Variants in BMAL2 observed in about 807,000 individuals in gnomAD.
BMAL2 encodes basic helix-loop-helix ARNT like 2, also known as basic helix-loop-helix ARNT-like protein 2.
chr12:27,398,608 GA>G, the BMAL2 span, among the ~76,000 whole-genome samples: 1 of 152,092 alleles, frequency 6.6e-6, no homozygotes, highest in Non-Finnish European at 1.5e-5. Flanking sequence ...GCAGTTGATA[GA>G]ATTACACAAT....
At chr12:27,396,340 A>G in the BMAL2 span, among the ~76,000 whole-genome samples, 1 of 152,224 alleles carries the variant, frequency 6.6e-6, no homozygotes, top group African/African-American at 2.4e-5. Flanking sequence ...AATTATTAAG[A>G]TTCTACTATA....
At chr12:27,406,033 C>CGTCT in the BMAL2 span, among the ~76,000 whole-genome samples, 1 of 151,966 alleles carries the variant, frequency 6.6e-6, no homozygotes, top group Non-Finnish European at 1.5e-5. Context: ...TGAGAAGAGA[C>CGTCT]GTTTAGAGAA....
the BMAL2 span, among the ~76,000 whole-genome samples, chr12:27,377,768 G>C: frequency 5.1e-4 from 77 of 152,166 alleles, 1 homozygote; most frequent in African/African-American, 1.7e-3. Flanking sequence ...AAATCTAATT[G>C]CTCACAAATA....
chr12:27,402,698 T>G, the BMAL2 span: 1 of 1,592,156 alleles, frequency 6.3e-7, no homozygotes, highest in Non-Finnish European at 8.6e-7. Flanking sequence ...TTTTAGATGA[T>G]GGAAGACTTA....
chr12:27,375,033 A>G, the BMAL2 span, among the ~76,000 whole-genome samples: 1 of 152,218 alleles, frequency 6.6e-6, no homozygotes, highest in African/African-American at 2.4e-5. Flanking sequence ...TAAATTTTCT[A>G]TAAGTGTTAT....
chr12:27,370,160 A>G, the BMAL2 span: 1 of 1,614,072 alleles, frequency 6.2e-7, no homozygotes, highest in East Asian at 2.2e-5. Context: ...AGTGGTGGAA[A>G]AGCTTTCTCA....
At chr12:27,420,024 C>CACACACACACAT in the BMAL2 span, among the ~76,000 whole-genome samples, 6 of 145,510 alleles carry the variant, frequency 4.1e-5, no homozygotes, top group African/African-American at 1.4e-4. Context: ...CGCGTGCACA[C>CACACACACACAT]ACACACACAC....
At chr12:27,385,311 C>T in the BMAL2 span, among the ~76,000 whole-genome samples, 5 of 151,588 alleles carry the variant, frequency 3.3e-5, no homozygotes, top group African/African-American at 1.2e-4. Flanking sequence ...AAGACTCTGT[C>T]TCAAAAATAA....
chr12:27,387,888 T>C, the BMAL2 span, among the ~76,000 whole-genome samples: 3,371 of 152,288 alleles, frequency 0.022, 124 homozygotes, highest in African/African-American at 0.077. Context: ...TCCGATAGAC[T>C]GCAGCACTGT....
the BMAL2 span, among the ~76,000 whole-genome samples, chr12:27,359,369 A>G: frequency 2.6e-5 from 4 of 152,176 alleles, no homozygotes; most frequent in Non-Finnish European, 5.9e-5. Context: ...AAGTGAATGT[A>G]ATTTATTCTT....
At chr12:27,414,210 C>G in the BMAL2 span, among the ~76,000 whole-genome samples, 1 of 152,102 alleles carries the variant, frequency 6.6e-6, no homozygotes, top group African/African-American at 2.4e-5. Context: ...ATTGAAGGGA[C>G]AAATATACAG....
chr12:27,404,122 G>A, the BMAL2 span, among the ~76,000 whole-genome samples: 18 of 149,792 alleles, frequency 1.2e-4, no homozygotes, highest in African/African-American at 4.4e-4. Flanking sequence ...CAGTGTCAAG[G>A]CTGTAGTCAG....
the BMAL2 span, among the ~76,000 whole-genome samples, chr12:27,416,549 T>C: frequency 2.0e-5 from 3 of 152,282 alleles, no homozygotes; most frequent in Admixed American, 2.0e-4. Context: ...ACAGTATAAT[T>C]GTAATTTAGC....
chr12:27,333,695 G>A, the BMAL2 span, among the ~76,000 whole-genome samples: 3 of 152,250 alleles, frequency 2.0e-5, no homozygotes, highest in Non-Finnish European at 2.9e-5. Flanking sequence ...ATCGCAGCCC[G>A]CTCCGCGACA....
At chr12:27,396,482 A>G in the BMAL2 span, among the ~76,000 whole-genome samples, 3 of 152,208 alleles carry the variant, frequency 2.0e-5, no homozygotes, top group East Asian at 1.9e-4. Flanking sequence ...AGAATCAGCA[A>G]TCTGGCTTTA....
chr12:27,344,422 A>G, the BMAL2 span, among the ~76,000 whole-genome samples: 3 of 152,218 alleles, frequency 2.0e-5, no homozygotes, highest in Non-Finnish European at 4.4e-5. Context: ...CAGAACCAAT[A>G]GGAGATATAT....
the BMAL2 span, among the ~76,000 whole-genome samples, chr12:27,419,462 A>G: frequency 6.6e-6 from 1 of 152,200 alleles, no homozygotes; most frequent in Admixed American, 6.5e-5. Context: ...CCCTCTTGAG[A>G]TAACTAACCA....
chr12:27,373,035 T>TA, the BMAL2 span, among the ~76,000 whole-genome samples: 1 of 152,158 alleles, frequency 6.6e-6, no homozygotes, highest in South Asian at 2.1e-4. Flanking sequence ...GGTACAGTCT[T>TA]ACAATTTTCA....
At chr12:27,355,903 G>C in the BMAL2 span, among the ~76,000 whole-genome samples, 1 of 152,116 alleles carries the variant, frequency 6.6e-6, no homozygotes, top group Non-Finnish European at 1.5e-5. Flanking sequence ...GTGAGCCTTC[G>C]CTCCCCTAAG....
Sources: gnomAD v4.1 joint callset for allele counts (sites outside exome capture counted in the v4.1 genomes callset) on GRCh38, gnomAD v4.1.1 for gene constraint, MANE v1.5 for transcripts, NCBI Gene and HGNC (gene_info 2026-07-23, HGNC 2026-07-21) for gene names.